NKAIN1: variants seen among roughly 807,000 people sequenced by gnomAD.
NKAIN1 encodes the protein sodium/potassium transporting ATPase interacting 1.
A neutral mutation model predicts 31.6 loss-of-function variants in NKAIN1; 13 were observed. The ratio of observed to expected loss-of-function variants is 0.41; its 90% CI spans 0.27 to 0.65. The LOEUF is 0.65. Ranked by LOEUF, NKAIN1 falls within the 30% of genes least tolerant of loss-of-function variation. The probability of loss-of-function intolerance (pLI) is 0.30; values close to 1 mark genes in which losing one functional copy is unlikely to be tolerated. For missense variants in NKAIN1, 193 were observed against 262.2 expected (o/e 0.74, Z 1.82); for synonymous variants, 104 against 109.0 (o/e 0.95, Z 0.28).
intron 1 of NKAIN1, 91 bp from the exon 2 acceptor site, chr1:31,188,278 T>A: frequency 7.1e-7 from 1 of 1,411,190 alleles, no homozygotes; most frequent in East Asian, 2.5e-5. Flanking sequence ...GTGGCACCAG[T>A]TACCATGGTG....
At chr1:31,230,108 C>T (rs1439278900) in intron 1 of NKAIN1, among the ~76,000 whole-genome samples, 4 of 152,184 alleles carry the variant, frequency 2.6e-5, no homozygotes, top group African/African-American at 7.2e-5. Flanking sequence ...CAGCTTGAGC[C>T]TTCCATTCAT....
intron 2 of NKAIN1, among the ~76,000 whole-genome samples, chr1:31,186,068 A>G (rs1401600609): frequency 6.6e-6 from 1 of 151,856 alleles, no homozygotes; most frequent in Non-Finnish European, 1.5e-5. Context: ...TATTTAAAAA[A>G]AAAAAAAAAA....
At chr1:31,218,063 TCTTTC>T (rs1452579269) in intron 1 of NKAIN1, among the ~76,000 whole-genome samples, 13 of 144,848 alleles carry the variant, frequency 9.0e-5, no homozygotes, top group Middle Eastern at 3.4e-3. Context: ...TTTCTTTCTT[TCTTTC>T]TTTTTTTTTT....
chr1:31,200,416 C>T (rs2377717), intron 1 of NKAIN1, among the ~76,000 whole-genome samples: 107,206 of 150,784 alleles, frequency 0.71, 39,415 homozygotes, highest in Middle Eastern at 0.9. Context: ...TCTATAGTTC[C>T]GGAATGTCTT....
intron 1 of NKAIN1, among the ~76,000 whole-genome samples, chr1:31,217,951 T>G (rs1268821335): frequency 6.6e-6 from 1 of 152,192 alleles, no homozygotes; most frequent in Non-Finnish European, 1.5e-5. Flanking sequence ...TTATGCTTCA[T>G]AGGCACTCCT....
intron 5 of NKAIN1, among the ~76,000 whole-genome samples, chr1:31,182,241 G>C (rs564444103): frequency 2.6e-4 from 39 of 152,228 alleles, no homozygotes; most frequent in African/African-American, 7.9e-4. Flanking sequence ...TGGGAGAGAA[G>C]GCTCTCAGGG....
chr1:31,203,666 C>T (rs1030200340), intron 1 of NKAIN1, among the ~76,000 whole-genome samples: 14 of 149,932 alleles, frequency 9.3e-5, no homozygotes, highest in Admixed American at 2.7e-4. Context: ...CTCACTGCAA[C>T]CTCTGCTTCC....
At chr1:31,193,191 C>A (rs1645299662) in intron 1 of NKAIN1, among the ~76,000 whole-genome samples, 1 of 151,712 alleles carries the variant, frequency 6.6e-6, no homozygotes, top group African/African-American at 2.4e-5. Flanking sequence ...GCCTCAGCCT[C>A]CCAAGTAGCT....
chr1:31,191,784 T>A (rs1645287881), intron 1 of NKAIN1, among the ~76,000 whole-genome samples: 1 of 152,216 alleles, frequency 6.6e-6, no homozygotes, highest in Admixed American at 6.5e-5. Context: ...TTTTATTTTA[T>A]ATTTTATTTT....
In NKAIN1 at chr1:31,198,132, G is replaced by A. The variant is rs139855888; in HGVS notation, c.55-9945C>T. ...ATTTCTGCTTGTGTGGTTCACTGCCGTATTTTCAGTGGTGAGACCAGTGCT... is the reference window on the plus strand; with the variant it reads ...ATTTCTGCTTGTGTGGTTCACTGCCATATTTTCAGTGGTGAGACCAGTGCT... On this transcript the variant is annotated intron_variant, in intron 1 of 6. Transcript: ENST00000373736. Among the ~76,000 whole-genome samples, 223 of 152,274 alleles carry A rather than the reference G, an allele frequency of 1.5e-3. 2 individuals carry two copies. The highest frequency in any genetic ancestry group is 5.1e-3 in the African/African-American group (214 of 41,560).
At chr1:31,182,095 C>T (rs1232829782) in intron 5 of NKAIN1, among the ~76,000 whole-genome samples, 154 bp from the exon 6 acceptor site, 2 of 152,040 alleles carry the variant, frequency 1.3e-5, no homozygotes, top group South Asian at 4.1e-4. Flanking sequence ...GGTCAGACCC[C>T]GTGCAGGGCC....
intron 1 of NKAIN1, among the ~76,000 whole-genome samples, chr1:31,213,983 G>A (rs1645489954): frequency 6.9e-6 from 1 of 145,324 alleles, no homozygotes; most frequent in Admixed American, 7.1e-5. Context: ...CACAGAGTGA[G>A]CCCCTGTCTC....
At chr1:31,195,659 T>C (rs1389913894) in intron 1 of NKAIN1, among the ~76,000 whole-genome samples, 1 of 152,098 alleles carries the variant, frequency 6.6e-6, no homozygotes, top group Non-Finnish European at 1.5e-5. Context: ...TAATGGCTCA[T>C]GCCTGTAATC....
chr1:31,230,181 C>T (rs930081144), intron 1 of NKAIN1, among the ~76,000 whole-genome samples: 2 of 152,198 alleles, frequency 1.3e-5, no homozygotes, highest in African/African-American at 4.8e-5. Flanking sequence ...CCTGCAGCCT[C>T]ATATCCTGGG....
intron 1 of NKAIN1, among the ~76,000 whole-genome samples, chr1:31,220,851 T>C (rs954819942): frequency 4.7e-5 from 7 of 150,520 alleles, no homozygotes; most frequent in African/African-American, 1.7e-4. Flanking sequence ...GGGCCTTCCA[T>C]CTGCTCTTGG....
At chr1:31,212,403 T>TTTCTTAC in intron 1 of NKAIN1, among the ~76,000 whole-genome samples, 1 of 67,350 alleles carries the variant, frequency 1.5e-5, no homozygotes, top group African/African-American at 3.4e-5. Flanking sequence ...TAATAGTTTC[T>TTTCTTAC]TTTTTTTTTT....
At chr1:31,197,650 G>A (rs1237194511) in intron 1 of NKAIN1, among the ~76,000 whole-genome samples, 2 of 144,974 alleles carry the variant, frequency 1.4e-5, no homozygotes, top group Non-Finnish European at 3.0e-5. Flanking sequence ...GGGTTCAAGC[G>A]ATTCTCCTGC....
intron 1 of NKAIN1, among the ~76,000 whole-genome samples, chr1:31,221,150 T>C (rs1645561375): frequency 6.6e-6 from 1 of 152,064 alleles, no homozygotes; most frequent in Admixed American, 6.6e-5. Flanking sequence ...GGAAAGAGCT[T>C]CCAGAGAGGC....
chr1:31,214,940 C>T lies in NKAIN1; in HGVS notation c.54+24554G>A, dbSNP rs539560703. Among the ~76,000 whole-genome samples the T allele has an allele frequency of 6.3e-4, 96 of 152,324 alleles. 1 individual carries two copies. Among genetic ancestry groups the T allele is most frequent in the Admixed American group, 2.0e-3 (31 of 15,310 alleles). Reference sequence around the variant, plus strand: ...GGGATGGGACACTAAGCCCTCCGGGCGCCCCCTAGGGCCAAACATCATGCT... The same window carrying T: ...GGGATGGGACACTAAGCCCTCCGGGTGCCCCCTAGGGCCAAACATCATGCT... On this transcript the variant is annotated intron_variant, in intron 1 of 6. Coordinates refer to ENST00000373736, the MANE Select transcript of NKAIN1 (RefSeq NM_024522.3).
Sources: allele counts gnomAD v4.1 joint callset (sites outside exome capture counted in the v4.1 genomes callset), GRCh38; gene constraint gnomAD v4.1.1; transcripts MANE v1.5; gene names NCBI Gene and HGNC (gene_info 2026-07-23, HGNC 2026-07-21).